FUT8: variants seen among roughly 807,000 people sequenced by gnomAD.
FUT8 encodes fucosyltransferase 8.
Under a neutral mutation model 71.3 loss-of-function variants are expected in FUT8, and 29 were observed. The observed-to-expected ratio is 0.41, with a 90% CI of 0.30 to 0.55. The LOEUF is 0.55. Among genes scored for constraint, FUT8 ranks in the 20% least tolerant of loss-of-function variants. The pLI is 0.34. For missense variants in FUT8, 544 were observed against 702.1 expected (o/e 0.77, Z 2.55); for synonymous variants, 254 against 239.3 (o/e 1.06, Z -0.57).
Position 65,648,966 on chromosome 14 carries a change from A to G in FUT8, c.597+19360A>G, listed in dbSNP as rs539120119. ...AATTTGGAGAAGTAGGGAGTCTCTG[A>G]CGATATTTGAATGGAAAGAGACATG... On this transcript the variant is annotated intron_variant, in intron 6 of 10. Transcript: ENST00000673929. 6.0e-4 allele frequency among the ~76,000 whole-genome samples: 92 copies of G among 152,302 alleles called. 1 individual carries two copies. Among genetic ancestry groups the G allele is most frequent in the African/African-American group, 2.0e-3 (83 of 41,568 alleles).
chr14:65,540,905 T>C (rs1166368433), intron 2 of FUT8, among the ~76,000 whole-genome samples: 1 of 152,206 alleles, frequency 6.6e-6, no homozygotes, highest in Non-Finnish European at 1.5e-5. Flanking sequence ...TTCAATGACA[T>C]TTGTACAACT....
At chr14:65,656,066 TC>T (rs926579053) in intron 6 of FUT8, among the ~76,000 whole-genome samples, 9 of 152,180 alleles carry the variant, frequency 5.9e-5, no homozygotes, top group African/African-American at 2.2e-4. Context: ...AGGCCCACTT[TC>T]ACCACTGTTA....
At chr14:65,450,901 T>C (rs898582692) in intron 1 of FUT8, among the ~76,000 whole-genome samples, 9 of 151,512 alleles carry the variant, frequency 5.9e-5, no homozygotes, top group African/African-American at 1.7e-4. Flanking sequence ...GTCTTCCCTC[T>C]GTCGGCCAGG....
chr14:65,358,148 C>T, the FUT8 span, among the ~76,000 whole-genome samples: 90 of 152,092 alleles, frequency 5.9e-4, no homozygotes, highest in South Asian at 0.017. Flanking sequence ...TAACTAGTAA[C>T]GATGCAGTCT....
intron 7 of FUT8, among the ~76,000 whole-genome samples, chr14:65,670,104 A>G (rs1247306574): frequency 6.6e-6 from 1 of 152,350 alleles, no homozygotes; most frequent in East Asian, 1.9e-4. Context: ...AAGGTACTAT[A>G]CTAGGCATTA....
chr14:65,734,301 A>G (rs1896116853), intron 10 of FUT8, among the ~76,000 whole-genome samples: 1 of 152,226 alleles, frequency 6.6e-6, no homozygotes, highest in African/African-American at 2.4e-5. Flanking sequence ...AAGGAAAGCC[A>G]CATCATTTTT....
the FUT8 span, among the ~76,000 whole-genome samples, chr14:65,395,948 C>G: frequency 6.6e-6 from 1 of 152,122 alleles, no homozygotes; most frequent in Non-Finnish European, 1.5e-5. Flanking sequence ...TGCCAAGTAC[C>G]CTAAATCATC....
At chr14:65,364,659 G>C in the FUT8 span, among the ~76,000 whole-genome samples, 1 of 152,206 alleles carries the variant, frequency 6.6e-6, no homozygotes, top group Non-Finnish European at 1.5e-5. Context: ...AAAGCCTCAA[G>C]AACCTGCCTT....
At chr14:65,482,228 G>A (rs1455206039) in intron 2 of FUT8, among the ~76,000 whole-genome samples, 4 of 152,078 alleles carry the variant, frequency 2.6e-5, no homozygotes, top group African/African-American at 9.7e-5. Flanking sequence ...ATCATTTACT[G>A]AAGTGGTTTG....
intron 2 of FUT8, chr14:65,516,341 T>A (rs2139841364): frequency 1.3e-5 from 2 of 152,212 alleles, no homozygotes; most frequent in South Asian, 4.2e-4. Context: ...AATCAAAACT[T>A]AGTTGAAAAT....
intron 9 of FUT8, among the ~76,000 whole-genome samples, chr14:65,731,982 C>T (rs1444958838): frequency 1.3e-5 from 2 of 152,218 alleles, no homozygotes; most frequent in East Asian, 3.8e-4. Flanking sequence ...CTTTCTTTCT[C>T]CCTCTAGCAT....
chr14:65,726,221 G>A (rs1008522451), intron 9 of FUT8, among the ~76,000 whole-genome samples: 5 of 152,322 alleles, frequency 3.3e-5, no homozygotes, highest in South Asian at 4.1e-4. Context: ...TACTAATTTT[G>A]TCTACTCTTT....
chr14:65,603,969 C>T lies in FUT8; in HGVS notation c.204-12009C>T, dbSNP rs1056451147. Among the ~76,000 whole-genome samples, 1 of 151,438 alleles carries T rather than the reference C, an allele frequency of 6.6e-6. No individual in the cohort carries two copies. Among genetic ancestry groups the T allele is most frequent in the Non-Finnish European group, 1.5e-5 (1 of 67,802 alleles). On this transcript the variant is annotated intron_variant, in intron 3 of 10. Transcript: ENST00000673929. The surrounding 1 kb of genome is among the most constrained non-coding windows in gnomAD (Gnocchi z 4.5). Reference sequence around the variant, plus strand: ...CAGGAGTAGCTATTCTTACATCAGACAAAACAAAAAACAACAGCAACTAAA... The same window carrying T: ...CAGGAGTAGCTATTCTTACATCAGATAAAACAAAAAACAACAGCAACTAAA...
chr14:65,703,751 T>G (rs1036328050), intron 7 of FUT8, among the ~76,000 whole-genome samples: 4 of 152,234 alleles, frequency 2.6e-5, no homozygotes, highest in African/African-American at 4.8e-5. Flanking sequence ...CTACTGGTAC[T>G]TTTTAGATTG....
intron 2 of FUT8, among the ~76,000 whole-genome samples, chr14:65,498,780 T>G (rs2066599857): frequency 6.6e-6 from 1 of 152,208 alleles, no homozygotes; most frequent in South Asian, 2.1e-4. Context: ...ATTTGGGTCT[T>G]ACTGAAATAG....
chr14:65,650,311 A>AC lies in FUT8; in HGVS notation c.598-18932_598-18931insC, dbSNP rs1198670733. Among the ~76,000 whole-genome samples the AC allele has an allele frequency of 2.0e-3, 298 of 148,898 alleles. 3 individuals carry two copies. The highest frequency in any genetic ancestry group is 0.01 in the Middle Eastern group (3 of 290). On this transcript the variant is annotated intron_variant, in intron 6 of 10. Coordinates refer to ENST00000673929, the MANE Select transcript of FUT8 (RefSeq NM_001371533.1). ...GAGACTCTGTCTCAAAAAAAAAAAA[A>AC]AAAAAAAAAAAAAAAACCTGAGACT...
the FUT8 span, among the ~76,000 whole-genome samples, chr14:65,396,259 T>C: frequency 2.0e-5 from 3 of 152,202 alleles, no homozygotes; most frequent in Non-Finnish European, 4.4e-5. The surrounding 1 kb of genome is among the most constrained non-coding windows in gnomAD (Gnocchi z 5.5). Flanking sequence ...TTTTCAGTTA[T>C]CTTTATAGCC....
chr14:65,527,175 T>C (rs1270924984), intron 2 of FUT8, among the ~76,000 whole-genome samples: 1 of 152,236 alleles, frequency 6.6e-6, no homozygotes, highest in African/African-American at 2.4e-5. Context: ...CTTGGTTCCA[T>C]TCTCCCTGTC....
At chr14:65,435,940 T>C (rs1162526328) in intron 1 of FUT8, among the ~76,000 whole-genome samples, 1 of 137,212 alleles carries the variant, frequency 7.3e-6, no homozygotes, top group Non-Finnish European at 1.6e-5. Context: ...TTTTTTTTTT[T>C]CTTTAAAAGA....
Sources: allele counts gnomAD v4.1 joint callset (sites outside exome capture counted in the v4.1 genomes callset), GRCh38; gene constraint gnomAD v4.1.1; non-coding constraint Gnocchi (gnomAD v3.1); transcripts MANE v1.5; gene names NCBI Gene and HGNC (gene_info 2026-07-23, HGNC 2026-07-21).